Variants in DBNDD1 observed in about 807,000 individuals in gnomAD.
DBNDD1 encodes dysbindin domain-containing protein 1.
A neutral mutation model predicts 17.0 loss-of-function variants in DBNDD1; 14 were observed. The ratio of observed to expected loss-of-function variants is 0.82; its 90% CI spans 0.54 to 1.29. The LOEUF (loss-of-function observed/expected upper bound fraction) is 1.29, where lower values mean the gene tolerates loss of function less well. Among genes scored for constraint, DBNDD1 ranks in the 50% most tolerant of loss-of-function variants. The pLI, the probability that DBNDD1 is intolerant of heterozygous loss-of-function variation, is 0.00. For missense variants in DBNDD1, 221 were observed against 216.2 expected (o/e 1.02, Z -0.14); for synonymous variants, 105 against 102.0 (o/e 1.03, Z -0.18).
At chr16:90,019,872 G>A, upstream of DBNDD1, 1 of 675,492 alleles carries the variant, frequency 1.5e-6, no homozygotes, top group South Asian at 1.5e-5. The surrounding 1 kb of genome is among the most constrained non-coding windows in gnomAD (Gnocchi z 6.1). Context: ...CTCACAGAGC[G>A]CCCTGGATGG....
rs28437839 is a variant in DBNDD1, at chr16:90,008,138, G to A, written c.319+646C>T. 2.1e-3 allele frequency among the ~76,000 whole-genome samples: 103 copies of A among 48,262 alleles called. 1 individual carries two copies. In the East Asian group the frequency reaches 0.081, roughly 38 times the overall value. The allele number at this position is 48,262 out of a possible 152,430, so 31.7% of individuals were successfully genotyped here. A position where few individuals can be genotyped will look rare whatever the true frequency, so the allele number is the denominator to read the frequency against. Reference sequence around the variant, plus strand: ...GTCCCAAGGGGCCTCAGCCCACCACGCACACCTCCCAGGACGTCCCAAGGG... The same window carrying A: ...GTCCCAAGGGGCCTCAGCCCACCACACACACCTCCCAGGACGTCCCAAGGG... On this transcript the variant is annotated intron_variant, in intron 3 of 3. Transcript: ENST00000002501.
Position 90,014,132 on chromosome 16 carries a change from A to T in DBNDD1, c.32-4702T>A, listed in dbSNP as rs978416014. On this transcript the variant is annotated intron_variant, in intron 1 of 3. Transcript: ENST00000002501. ...CCTGAATTTTTAAATTATTATTATT[A>T]TTATTTTTTTTTTGAGATGGAGTCT... 1.1e-3 allele frequency among the ~76,000 whole-genome samples: 158 copies of T among 147,424 alleles called. 2 individuals carry two copies. The East Asian group carries it at 0.011, about 10-fold the overall frequency.
chr16:90,010,019 G>C (rs922794734), intron 1 of DBNDD1: 3 of 1,614,148 alleles, frequency 1.9e-6, no homozygotes, highest in Admixed American at 3.3e-5. Flanking sequence ...CCTCACAGTT[G>C]AGCAAATATT....
rs114988668 is a variant in DBNDD1, at chr16:90,009,052, G to A, written c.179-128C>T. The A allele has an allele frequency of 2.6e-3, 3,361 of 1,304,064 alleles. 68 individuals are homozygous for A. The African/African-American group carries it at 0.043, about 17-fold the overall frequency. The allele number at this position is 1,304,064 out of a possible 1,614,324, so 80.8% of individuals were successfully genotyped here. Reference sequence around the variant, plus strand: ...TGGGTGAACCACAGCTTCCTGCAAAGCCCACACCGGCAGGATCTGATGAGT... The same window carrying A: ...TGGGTGAACCACAGCTTCCTGCAAAACCCACACCGGCAGGATCTGATGAGT... On this transcript the variant is annotated intron_variant, in intron 2 of 3. Coordinates refer to ENST00000002501, the MANE Select transcript of DBNDD1 (RefSeq NM_001042610.3).
chr16:90,016,912 G>GCCC (rs1338556298), intron 1 of DBNDD1, among the ~76,000 whole-genome samples: 3 of 152,188 alleles, frequency 2.0e-5, no homozygotes, highest in African/African-American at 7.2e-5. Context: ...GGGGCCACCT[G>GCCC]CCCCCCATCC....
chr16:90,006,034 G>T lies in DBNDD1; in HGVS notation c.*301C>A, dbSNP rs1334399854. The T allele has an allele frequency of 2.8e-5, 9 of 318,632 alleles. No homozygotes were observed. The highest frequency in any genetic ancestry group is 4.3e-5 in the Non-Finnish European group (7 of 164,662). The allele number at this position is 318,632 out of a possible 1,614,324, so 19.7% of individuals were successfully genotyped here. A position where few individuals can be genotyped will look rare whatever the true frequency, so the allele number is the denominator to read the frequency against. Reference sequence around the variant, plus strand: ...CGTGACGCTGTCTTCCTGACTCGGGGCCCAGGAACGAGCTGGACGTAAGGC... The same window carrying T: ...CGTGACGCTGTCTTCCTGACTCGGGTCCCAGGAACGAGCTGGACGTAAGGC... On this transcript the variant is annotated 3_prime_UTR_variant, in exon 4 of 4. Coordinates refer to ENST00000002501, the MANE Select transcript of DBNDD1 (RefSeq NM_001042610.3).
At chr16:90,013,085 A>AGGCAGGTGG (rs2035582632) in intron 1 of DBNDD1, among the ~76,000 whole-genome samples, 1 of 151,518 alleles carries the variant, frequency 6.6e-6, no homozygotes, top group Admixed American at 6.6e-5. Flanking sequence ...GCACCCTCAG[A>AGGCAGGTGG]GGCAGGTGGG....
chr16:90,010,358 C>G (rs1412106126), intron 1 of DBNDD1: 1 of 160,448 alleles, frequency 6.2e-6, no homozygotes, highest in Non-Finnish European at 1.3e-5. Flanking sequence ...TTTTCACAAA[C>G]GTAACTACCT....
intron 1 of DBNDD1, 83 bp from the exon 2 acceptor site, chr16:90,009,513 G>C: frequency 6.4e-7 from 1 of 1,572,648 alleles, no homozygotes; most frequent in Non-Finnish European, 8.6e-7. Context: ...GTGAGGACTT[G>C]GCACATCCAG....
intron 1 of DBNDD1, among the ~76,000 whole-genome samples, chr16:90,012,461 TCTC>T (rs2035570497): frequency 6.9e-6 from 1 of 145,334 alleles, no homozygotes; most frequent in Non-Finnish European, 1.5e-5. Flanking sequence ...TCCTCTCCTC[TCTC>T]TTTTTTTTTT....
intron 1 of DBNDD1, among the ~76,000 whole-genome samples, chr16:90,011,992 G>C (rs2035563285): frequency 6.6e-6 from 1 of 152,214 alleles, no homozygotes. Context: ...CCAGGCCCCC[G>C]CCCACAGTGT....
rs750726637 is a variant in DBNDD1 at position 90,009,448 on chromosome 16, G to C, written c.32-18C>G. 1.9e-6 allele frequency: 3 copies of C among 1,607,402 alleles called. No homozygotes were observed. In the South Asian group the frequency reaches 3.3e-5, roughly 18 times the overall value. ...AACGATCTCTGCATCCAAAGACACA[G>C]TGTCACCTTGAGATCCACAGGGCTC... On this transcript the variant is annotated intron_variant, in intron 1 of 3. Transcript: ENST00000002501.
chr16:90,009,645 G>C, intron 1 of DBNDD1: 1 of 683,862 alleles, frequency 1.5e-6, no homozygotes, highest in Non-Finnish European at 2.4e-6. Context: ...CTTGGGCCCT[G>C]GCCTCCCCTA....
intron 1 of DBNDD1, among the ~76,000 whole-genome samples, chr16:90,011,285 G>A (rs1299454973): frequency 3.9e-5 from 6 of 152,224 alleles, no homozygotes; most frequent in Non-Finnish European, 5.9e-5. Context: ...GTCCTCCCCC[G>A]TGGCACTAGC....
Position 90,008,937 on chromosome 16 carries a change from G to A in DBNDD1, c.179-13C>T, listed in dbSNP as rs756150568. 6 of 1,543,924 alleles carry A rather than the reference G, an allele frequency of 3.9e-6. No homozygotes were observed. In the African/African-American group the frequency reaches 5.5e-5, roughly 14 times the overall value. On this transcript the variant is annotated splice_polypyrimidine_tract_variant and intron_variant, in intron 2 of 3. Coordinates refer to ENST00000002501, the MANE Select transcript of DBNDD1 (RefSeq NM_001042610.3). The stretch of plus-strand genomic sequence containing the variant: ...CTGCTCAGAGGCTCTGAGGGCAGAG[G>A]GGGTACAGTCAGCCCTCAGGCCCTC...
intron 1 of DBNDD1, chr16:90,010,001 C>G: frequency 6.2e-7 from 1 of 1,614,182 alleles, no homozygotes; most frequent in Non-Finnish European, 8.5e-7. Flanking sequence ...CCTTAGCCAC[C>G]AACCATGCCT....
intron 1 of DBNDD1, among the ~76,000 whole-genome samples, chr16:90,011,338 C>T (rs1005916949): frequency 1.4e-4 from 22 of 152,218 alleles, no homozygotes; most frequent in Admixed American, 1.1e-3. Context: ...GCGTCCGTCC[C>T]GGTGCACCCC....
intron 3 of DBNDD1, among the ~76,000 whole-genome samples, chr16:90,008,041 G>C (rs1285642523): frequency 9.4e-6 from 1 of 106,698 alleles, no homozygotes; most frequent in African/African-American, 3.4e-5. Flanking sequence ...GTCCCAAGGG[G>C]CCTCAGCCCA....
chr16:90,008,923 C>G lies in DBNDD1; in HGVS notation c.180G>C (p.Gln60His), dbSNP rs754935716. Reference sequence around the variant, plus strand: ...CCAGAGAGGAGACGCTGCTCAGAGGCTCTGAGGGCAGAGGGGGTACAGTCA... The same window carrying G: ...CCAGAGAGGAGACGCTGCTCAGAGGGTCTGAGGGCAGAGGGGGTACAGTCA... ...PGLLQVTERR[Q>H]PLSSVSSLEV... is the part of the protein sequence containing the mutation. The change falls in exon 3 of 4, where the codon CAG becomes CAC. Residue 60 changes from glutamine to histidine, a missense_variant and splice_region_variant. Physicochemically the swap from Gln to His is conservative, Grantham distance 24. Coordinates refer to ENST00000002501, the MANE Select transcript of DBNDD1 (RefSeq NM_001042610.3). The G allele has an allele frequency of 3.2e-6, 5 of 1,557,132 alleles. No homozygotes were observed. The highest frequency in any genetic ancestry group is 8.7e-7 in the Non-Finnish European group (1 of 1,145,522).
Sources: gnomAD v4.1 joint callset for allele counts (sites outside exome capture counted in the v4.1 genomes callset) on GRCh38, gnomAD v4.1.1 for gene constraint, Gnocchi (gnomAD v3.1) non-coding constraint, MANE v1.5 for transcripts, NCBI Gene and HGNC (gene_info 2026-07-23, HGNC 2026-07-21) for gene names.